The following CD109 variants were observed in gnomAD, a reference collection of about 807,000 sequenced individuals.
The protein encoded by CD109 is CD109 molecule, also known as CD109 antigen.
A neutral mutation model predicts 165.8 loss-of-function variants in CD109; 149 were observed. The ratio of observed to expected loss-of-function variants is 0.90; its 90% CI spans 0.79 to 1.03. The LOEUF (loss-of-function observed/expected upper bound fraction) is 1.03. Among genes scored for constraint, CD109 ranks in the 50% least tolerant of loss-of-function variants. CD109 has a pLI of 0.00. For synonymous variants in CD109, 585 were observed against 592.1 expected (o/e 0.99, Z 0.18); for missense variants, 1,712 against 1,677.8 (o/e 1.02, Z -0.36).
chr6:73,680,320 T>C, the CD109 span, among the ~76,000 whole-genome samples: 1 of 152,222 alleles, frequency 6.6e-6, no homozygotes, highest in Non-Finnish European at 1.5e-5. Flanking sequence ...TATAATCTTA[T>C]AACAGCCATT....
intron 5 of CD109, among the ~76,000 whole-genome samples, chr6:73,747,261 C>T (rs1310278350): frequency 6.6e-6 from 1 of 151,980 alleles, no homozygotes; most frequent in African/African-American, 2.4e-5. Context: ...ATTGAAAAAA[C>T]AAAAAATATA....
intron 1 of CD109, 99 bp downstream of exon 1, chr6:73,696,388 C>A: frequency 9.6e-7 from 1 of 1,046,980 alleles, no homozygotes; most frequent in East Asian, 3.3e-5. Context: ...TGCTGTGCAG[C>A]AGCGGGTGGG....
intron 28 of CD109, 45 bp downstream of exon 28, chr6:73,811,192 T>C (rs758871005): frequency 6.3e-7 from 1 of 1,575,218 alleles, no homozygotes; most frequent in African/African-American, 1.4e-5. Flanking sequence ...TAGACAATTC[T>C]TTATGCTGGA....
At chr6:73,822,241 C>A (rs1776132553) in intron 32 of CD109, among the ~76,000 whole-genome samples, 1 of 152,122 alleles carries the variant, frequency 6.6e-6, no homozygotes, top group African/African-American at 2.4e-5. Context: ...TGTAATATGT[C>A]TTATTTTGAA....
intron 30 of CD109, among the ~76,000 whole-genome samples, chr6:73,816,548 C>T (rs567987144): frequency 2.4e-3 from 359 of 152,294 alleles, no homozygotes; most frequent in African/African-American, 8.1e-3. Flanking sequence ...CTGTGCCCCA[C>T]CTATTCTTGC....
intron 25 of CD109, 63 bp downstream of exon 25, chr6:73,807,135 G>A (rs947280041): frequency 1.7e-6 from 2 of 1,180,212 alleles, no homozygotes; most frequent in Admixed American, 1.8e-5. Flanking sequence ...GTCTTAATGG[G>A]TCAAATATGT....
intron 10 of CD109, 57 bp from the exon 11 acceptor site, chr6:73,765,871 CTG>C: frequency 1.7e-6 from 2 of 1,204,018 alleles, no homozygotes; most frequent in Middle Eastern, 3.9e-4. Context: ...CAGACGGAAA[CTG>C]TATTTAATCG....
Position 73,768,124 on chromosome 6 carries a change from A to G in CD109, c.1567A>G (p.Asn523Asp). ...AACAATGTTCTCTTTAACACCAGAA[A>G]ATTCTTGGACTCCAAAAGCCTGTGT... ...NSTMFSLTPE[N>D]SWTPKACVIV... The change falls in exon 14 of 33, where the codon AAT becomes GAT. Residue 523 changes from asparagine (N) to aspartate (D), a missense_variant. Coordinates refer to ENST00000287097, the MANE Select transcript of CD109 (RefSeq NM_133493.5). 1 of 1,612,530 alleles carries G rather than the reference A, an allele frequency of 6.2e-7. No homozygotes were observed. The highest frequency in any genetic ancestry group is 8.5e-7 in the Non-Finnish European group (1 of 1,178,694).
In CD109 at chr6:73,799,754, C is replaced by A. The variant is rs562326884; in HGVS notation, c.2879-3466C>A. Among the ~76,000 whole-genome samples the A allele has an allele frequency of 1.4e-4, 21 of 152,188 alleles. 1 individual carries two copies. Among genetic ancestry groups the A allele is most frequent in the Middle Eastern group, 6.8e-3 (2 of 292 alleles). On this transcript the variant is annotated intron_variant, in intron 23 of 32. Coordinates refer to ENST00000287097, the MANE Select transcript of CD109 (RefSeq NM_133493.5). ...ATTGAACATGAGATTTGTGTGGGGA[C>A]AAATATACCAGTAACCTACTTCATT...
At chr6:73,776,678 C>G (rs1774259396) in intron 15 of CD109, among the ~76,000 whole-genome samples, 1 of 151,516 alleles carries the variant, frequency 6.6e-6, no homozygotes, top group Non-Finnish European at 1.5e-5. Flanking sequence ...CTGCCTCAGC[C>G]TCCCAAGTAG....
chr6:73,798,694 G>C (rs1047682256), intron 23 of CD109, among the ~76,000 whole-genome samples: 1 of 152,160 alleles, frequency 6.6e-6, no homozygotes, highest in Non-Finnish European at 1.5e-5. Flanking sequence ...TGGGCTGGCT[G>C]CCTCTAGTGG....
chr6:73,797,205 A>G (rs1582175670), intron 23 of CD109, among the ~76,000 whole-genome samples: 2 of 152,266 alleles, frequency 1.3e-5, no homozygotes, highest in Admixed American at 1.3e-4. Context: ...CAACAGCTAC[A>G]TCATTGAATG....
intron 23 of CD109, among the ~76,000 whole-genome samples, chr6:73,797,558 C>A (rs1206382384): frequency 1.6e-5 from 2 of 128,360 alleles, no homozygotes; most frequent in African/African-American, 6.4e-5. Context: ...ATAATGATTT[C>A]TTTTAATACA....
At chr6:73,751,725 C>T (rs954563240) in intron 5 of CD109, among the ~76,000 whole-genome samples, 6 of 152,152 alleles carry the variant, frequency 3.9e-5, no homozygotes, top group East Asian at 1.9e-4. Context: ...TATGGAAGCC[C>T]GTTTCCCTAG....
chr6:73,758,347 A>G (rs1297158659), intron 6 of CD109, among the ~76,000 whole-genome samples: 1 of 152,182 alleles, frequency 6.6e-6, no homozygotes, highest in Non-Finnish European at 1.5e-5. Context: ...CTTTATATCA[A>G]TTATAGTATT....
At chr6:73,733,125 C>A (rs1427695081) in intron 4 of CD109, among the ~76,000 whole-genome samples, 2 of 152,106 alleles carry the variant, frequency 1.3e-5, no homozygotes, top group Admixed American at 1.3e-4. Flanking sequence ...GACATTTGGG[C>A]CAGGTTTACA....
chr6:73,741,239 G>C (rs1772773271), intron 5 of CD109, among the ~76,000 whole-genome samples: 1 of 152,026 alleles, frequency 6.6e-6, no homozygotes, highest in Non-Finnish European at 1.5e-5. Flanking sequence ...GTGCTTAATT[G>C]ACACACATAT....
chr6:73,768,264 A>G (rs756014422), intron 14 of CD109, 33 bp downstream of exon 14: 16 of 1,303,686 alleles, frequency 1.2e-5, no homozygotes, highest in Non-Finnish European at 9.8e-6. Context: ...TTAAAAGAAA[A>G]CTTTATATTA....
chr6:73,733,619 C>T (rs1398950062), intron 4 of CD109, among the ~76,000 whole-genome samples: 2 of 152,342 alleles, frequency 1.3e-5, no homozygotes, highest in East Asian at 1.9e-4. Context: ...CTGACCTCTC[C>T]ATCCAGAAGT....
Sources: gnomAD v4.1 joint callset for allele counts (sites outside exome capture counted in the v4.1 genomes callset) on GRCh38, gnomAD v4.1.1 for gene constraint, MANE v1.5 for transcripts, NCBI Gene and HGNC (gene_info 2026-07-23, HGNC 2026-07-21) for gene names.